VAV2: variants seen among roughly 807,000 people sequenced by gnomAD.
VAV2 encodes the protein vav guanine nucleotide exchange factor 2, also known as guanine nucleotide exchange factor VAV2.
Under a neutral mutation model 132.5 loss-of-function variants are expected in VAV2, and 67 were observed. The ratio of observed to expected loss-of-function variants is 0.51; its 90% CI spans 0.42 to 0.62. The LOEUF is 0.62. Ranked by LOEUF, VAV2 falls within the 20% of genes least tolerant of loss-of-function variation. VAV2 has a pLI of 0.00. For synonymous variants in VAV2, 492 were observed against 443.5 expected (o/e 1.11, Z -1.37); for missense variants, 938 against 1,153.6 (o/e 0.81, Z 2.71).
chr9:133,974,375 C>T (rs1240433612), intron 1 of VAV2, among the ~76,000 whole-genome samples: 1 of 152,186 alleles, frequency 6.6e-6, no homozygotes, highest in African/African-American at 2.4e-5. Context: ...TCCAGCCTCC[C>T]CTTGAGGCAG....
chr9:133,937,465 G>T (rs761615688), intron 2 of VAV2, among the ~76,000 whole-genome samples: 74 of 150,192 alleles, frequency 4.9e-4, no homozygotes, highest in Non-Finnish European at 1.0e-3. Flanking sequence ...CTGAGTGTGA[G>T]TGTGAACATG....
At chr9:133,772,488 T>C (rs1379778334) in intron 25 of VAV2, among the ~76,000 whole-genome samples, 7 of 152,172 alleles carry the variant, frequency 4.6e-5, no homozygotes, top group Admixed American at 3.9e-4. Context: ...CGCAAGCCTG[T>C]CTGGGCCTCG....
chr9:133,938,092 T>A lies in VAV2; in HGVS notation c.321+1011A>T, dbSNP rs543510206. 2.0e-5 allele frequency among the ~76,000 whole-genome samples: 3 copies of A among 152,304 alleles called. No homozygotes were observed. The East Asian group carries it at 5.8e-4, about 29-fold the overall frequency. ...TGCAAACCCAAATTCCCTCTGCGCC[T>A]CACAAATCATGTATTCACAGAGCAT... On this transcript the variant is annotated intron_variant, in intron 2 of 29. Coordinates refer to ENST00000371850, the MANE Select transcript of VAV2 (RefSeq NM_001134398.2).
chr9:133,972,630 G>GC (rs1842376363), intron 1 of VAV2, among the ~76,000 whole-genome samples: 1 of 152,240 alleles, frequency 6.6e-6, no homozygotes, highest in Non-Finnish European at 1.5e-5. Flanking sequence ...AGCACAGACA[G>GC]TCAGAGTCAT....
At chr9:133,782,895 T>A (rs1288533085) in intron 19 of VAV2, among the ~76,000 whole-genome samples, 5 of 152,146 alleles carry the variant, frequency 3.3e-5, no homozygotes, top group Non-Finnish European at 7.3e-5. Flanking sequence ...CCCAAAGGTA[T>A]GCCCCCGACC....
chr9:133,952,073 C>T (rs1841577241), intron 1 of VAV2, among the ~76,000 whole-genome samples: 3 of 152,020 alleles, frequency 2.0e-5, no homozygotes, highest in Admixed American at 6.5e-5. Context: ...ATGAAGGGTC[C>T]GCTCTTACGA....
chr9:133,930,324 C>A (rs560850481), intron 2 of VAV2, among the ~76,000 whole-genome samples: 34 of 148,238 alleles, frequency 2.3e-4, no homozygotes, highest in African/African-American at 8.2e-4. Flanking sequence ...GGCATCCACA[C>A]TGCCTCCCAG....
Position 133,900,573 on chromosome 9 carries a change from C to T in VAV2, c.321+38530G>A, listed in dbSNP as rs1249697227. 4.6e-5 allele frequency among the ~76,000 whole-genome samples: 7 copies of T among 152,296 alleles called. No individual in the cohort carries two copies. The East Asian group carries it at 1.4e-3, about 29-fold the overall frequency. ...CCATTCCAGAGAGGGTCCTGCCCCACACCCAGAAGGAAGGGGCGCGGCTCA... is the reference window on the plus strand; with the variant it reads ...CCATTCCAGAGAGGGTCCTGCCCCATACCCAGAAGGAAGGGGCGCGGCTCA... On this transcript the variant is annotated intron_variant, in intron 2 of 29. Transcript: ENST00000371850.
rs1471345805 is a variant in VAV2, at chr9:133,804,186, C to A, written c.836+1895G>T. On this transcript the variant is annotated intron_variant, in intron 9 of 29. Transcript: ENST00000371850. This position sits in a 1 kb window ranked among gnomAD's most constrained non-coding sequence, Gnocchi z 4.5. ...GCAAGCAAGAACCAGGACCTTGGGGCCGAATCCGAAATGAGAGGAAAGGGG... is the reference window on the plus strand; with the variant it reads ...GCAAGCAAGAACCAGGACCTTGGGGACGAATCCGAAATGAGAGGAAAGGGG... Among the ~76,000 whole-genome samples the A allele has an allele frequency of 6.6e-6, 1 of 152,192 alleles. No homozygotes were observed. The highest frequency in any genetic ancestry group is 1.5e-5 in the Non-Finnish European group (1 of 68,032).
chr9:133,923,062 T>G (rs1037059811), intron 2 of VAV2, among the ~76,000 whole-genome samples: 7 of 152,206 alleles, frequency 4.6e-5, no homozygotes, highest in African/African-American at 7.2e-5. Flanking sequence ...CCAAAGATGA[T>G]GTAAACCTGG....
chr9:133,794,542 C>T lies in VAV2; in HGVS notation c.1101+1126G>A, dbSNP rs117443746. Among the ~76,000 whole-genome samples, 6,226 of 152,308 alleles carry T rather than the reference C, an allele frequency of 0.041. 151 individuals are homozygous for T. Among genetic ancestry groups the T allele is most frequent in the Middle Eastern group, 0.088 (26 of 294 alleles). ...AGACAGAGACAGATTACAGCCCCTC[C>T]CCCACCCAGAGGGAGCTCCTTAAAT... On this transcript the variant is annotated intron_variant, in intron 12 of 29. Coordinates refer to ENST00000371850, the MANE Select transcript of VAV2 (RefSeq NM_001134398.2). This position sits in a 1 kb window ranked among gnomAD's most constrained non-coding sequence, Gnocchi z 4.6.
rs1564324170 is a variant in VAV2 at position 133,766,764 on chromosome 9, ATATAT to A, written c.2589+1673_2589+1677del. Reference sequence around the variant, plus strand: ...TAGAACTTAAAGTATAAATAAATATATATATATATATATATATATATATCCCAAAA... The same window carrying A: ...TAGAACTTAAAGTATAAATAAATATAATATATATATATATATATCCCAAAA... On this transcript the variant is annotated intron_variant, in intron 29 of 29. Transcript: ENST00000371850. 1.5e-5 allele frequency among the ~76,000 whole-genome samples: 2 copies of A among 132,648 alleles called. 1 individual carries two copies. Among genetic ancestry groups the A allele is most frequent in the African/African-American group, 5.8e-5 (2 of 34,520 alleles). The allele number at this position is 132,648 out of a possible 152,430, so 87.0% of individuals were successfully genotyped here.
chr9:133,866,164 G>C (rs1837792549), intron 2 of VAV2, among the ~76,000 whole-genome samples: 1 of 152,192 alleles, frequency 6.6e-6, no homozygotes, highest in South Asian at 2.1e-4. Context: ...CCAGGGGGTG[G>C]GTGGGGAGCC....
intron 6 of VAV2, 100 bp downstream of exon 6, chr9:133,810,091 C>A: frequency 6.5e-7 from 1 of 1,546,746 alleles, no homozygotes; most frequent in Non-Finnish European, 8.8e-7. Context: ...TTCCTGGGGG[C>A]AGGGTCCCGA....
intron 1 of VAV2, among the ~76,000 whole-genome samples, chr9:133,943,901 C>A (rs904338004): frequency 6.6e-6 from 1 of 152,246 alleles, no homozygotes; most frequent in South Asian, 2.1e-4. Context: ...GTGACACAGG[C>A]TCCATGCCCA....
At chr9:133,910,637 C>T (rs893949627) in intron 2 of VAV2, among the ~76,000 whole-genome samples, 1 of 117,038 alleles carries the variant, frequency 8.5e-6, no homozygotes, top group Non-Finnish European at 1.8e-5. Flanking sequence ...GGTGAAACCC[C>T]GACTCTACTA....
In VAV2 at chr9:133,804,010, C is replaced by T. The variant is rs564432280; in HGVS notation, c.836+2071G>A. 6.6e-6 allele frequency among the ~76,000 whole-genome samples: 1 copy of T among 152,224 alleles called. No homozygotes were observed. The highest frequency in any genetic ancestry group is 1.9e-4 in the East Asian group (1 of 5,158). ...GGTCTCCTGGGCTCTCCAGCAACGC[C>T]GCAGCTCCCCCCGGAGCTTCTCTAT... On this transcript the variant is annotated intron_variant, in intron 9 of 29. Transcript: ENST00000371850. This position sits in a 1 kb window ranked among gnomAD's most constrained non-coding sequence, Gnocchi z 4.5.
At chr9:133,778,728 G>A in intron 22 of VAV2, 34 bp downstream of exon 22, 1 of 1,608,202 alleles carries the variant, frequency 6.2e-7, no homozygotes, top group Non-Finnish European at 8.5e-7. Context: ...GCTGGAGCCG[G>A]GGACCCTCGA....
At chr9:133,938,127 T>C (rs2428003) in intron 2 of VAV2, among the ~76,000 whole-genome samples, 135,237 of 152,260 alleles carry the variant, frequency 0.89, 60,672 homozygotes, top group East Asian at 0.98. Flanking sequence ...TTTCCTTAGA[T>C]ACCAAGTCCC....
Sources: allele counts gnomAD v4.1 joint callset (sites outside exome capture counted in the v4.1 genomes callset), GRCh38; gene constraint gnomAD v4.1.1; non-coding constraint Gnocchi (gnomAD v3.1); transcripts MANE v1.5; gene names NCBI Gene and HGNC (gene_info 2026-07-23, HGNC 2026-07-21).